XKR4: variants seen among roughly 807,000 people sequenced by gnomAD.
The protein encoded by XKR4 is XK related 4.
Under a neutral mutation model 53.9 loss-of-function variants are expected in XKR4, and 12 were observed. The observed-to-expected ratio is 0.22, with a 90% CI of 0.14 to 0.36. The LOEUF is 0.36. Ranked by LOEUF, XKR4 falls within the 10% of genes least tolerant of loss-of-function variation. The pLI is 1.00. For synonymous variants in XKR4, 354 were observed against 362.4 expected, an observed-to-expected ratio of 0.98 and a Z score of 0.26; for missense variants, 799 against 859.5, an observed-to-expected ratio of 0.93 and a Z score of 0.88.
chr8:55,538,926 C>T lies in XKR4; in HGVS notation c.*14699C>T, dbSNP rs527924398. 6.6e-5 allele frequency: 10 copies of T among 152,292 alleles called. No individual in the cohort carries two copies. In the South Asian group the frequency reaches 1.0e-3, roughly 16 times the overall value. The allele number at this position is 152,292 out of a possible 1,614,324, so 9.4% of individuals were successfully genotyped here. On this transcript the variant is annotated 3_prime_UTR_variant, in exon 3 of 3. Transcript: ENST00000327381. ...TAACTCCTGAATTGATTCATTTTCACGTTATAACTACATTTCAAATATTTC... is the reference window on the plus strand; with the variant it reads ...TAACTCCTGAATTGATTCATTTTCATGTTATAACTACATTTCAAATATTTC...
At chr8:55,305,655 A>G (rs149749163) in intron 1 of XKR4, among the ~76,000 whole-genome samples, 1 of 152,306 alleles carries the variant, frequency 6.6e-6, no homozygotes, top group African/African-American at 2.4e-5. Flanking sequence ...ATTTTATAAA[A>G]TTACTGATTA....
chr8:55,405,929 G>T (rs570636213), intron 2 of XKR4, among the ~76,000 whole-genome samples: 18 of 152,262 alleles, frequency 1.2e-4, no homozygotes, highest in Admixed American at 2.0e-4. Flanking sequence ...CATGCAGAAG[G>T]GACCAACATC....
chr8:55,103,208 T>C lies in XKR4; in HGVS notation c.720T>C (p.Ser240=). The part of the protein sequence containing the change: ...GSNSSGATRA[S]GKHRSASCSF... ...ACAGCAGCGGGGCTACCCGGGCCAG[T>C]GGCAAGCACAGGTCTGCGTCCTGCT... Residue 240 remains serine (S), a synonymous_variant, in exon 1 of 3, where the codon AGT becomes AGC. Coordinates refer to ENST00000327381, the MANE Select transcript of XKR4 (RefSeq NM_052898.2). 1 of 1,614,040 alleles carries C rather than the reference T, an allele frequency of 6.2e-7. No individual in the cohort carries two copies. Among genetic ancestry groups the C allele is most frequent in the Non-Finnish European group, 8.5e-7 (1 of 1,180,042 alleles).
At chr8:55,154,971 A>G (rs1405964503) in intron 1 of XKR4, among the ~76,000 whole-genome samples, 2 of 152,220 alleles carry the variant, frequency 1.3e-5, no homozygotes, top group African/African-American at 2.4e-5. Context: ...GAACGTCAGT[A>G]TAAACATGGC....
At chr8:55,510,241 G>A (rs1353005457) in intron 2 of XKR4, among the ~76,000 whole-genome samples, 2 of 152,162 alleles carry the variant, frequency 1.3e-5, no homozygotes, top group Non-Finnish European at 2.9e-5. Context: ...AGTCCTCCAG[G>A]TGGGCAAAGG....
At chr8:55,481,856 A>T (rs1259762458) in intron 2 of XKR4, among the ~76,000 whole-genome samples, 3 of 152,224 alleles carry the variant, frequency 2.0e-5, no homozygotes, top group African/African-American at 7.2e-5. Context: ...ATACCATCTC[A>T]CACCAGTTAG....
intron 1 of XKR4, among the ~76,000 whole-genome samples, chr8:55,326,428 A>C (rs1803293480): frequency 6.6e-6 from 1 of 151,428 alleles, no homozygotes; most frequent in East Asian, 1.9e-4. Flanking sequence ...CTGGTTTGTA[A>C]GATATACTAC....
In XKR4 at chr8:55,528,020, ACT is replaced by A. The variant is rs1353124060; in HGVS notation, c.*3794_*3795del. On this transcript the variant is annotated 3_prime_UTR_variant, in exon 3 of 3. Coordinates refer to ENST00000327381, the MANE Select transcript of XKR4 (RefSeq NM_052898.2). ...TGTATGTACACACACACACACACAC[ACT>A]TTCCAACTAAAGTAACAGAGATGAA... is the stretch of plus-strand genomic sequence containing the variant. 5 of 152,154 alleles carry A rather than the reference ACT, an allele frequency of 3.3e-5. No homozygotes were observed. Among genetic ancestry groups the A allele is most frequent in the African/African-American group, 1.2e-4 (5 of 41,414 alleles). The allele number at this position is 152,154 out of a possible 1,614,324, so 9.4% of individuals were successfully genotyped here.
intron 2 of XKR4, among the ~76,000 whole-genome samples, chr8:55,429,006 A>G (rs548633840): frequency 6.6e-6 from 1 of 152,230 alleles, no homozygotes; most frequent in Non-Finnish European, 1.5e-5. Flanking sequence ...GTAGGAATCA[A>G]TTTCAATATA....
intron 1 of XKR4, among the ~76,000 whole-genome samples, chr8:55,118,496 T>A (rs764337588): frequency 1.4e-4 from 21 of 152,196 alleles, no homozygotes; most frequent in Non-Finnish European, 2.6e-4. Context: ...CAAACTGACC[T>A]CCTAAGACCT....
intron 1 of XKR4, among the ~76,000 whole-genome samples, chr8:55,125,852 T>C (rs901671898): frequency 5.3e-5 from 8 of 152,212 alleles, no homozygotes; most frequent in African/African-American, 1.9e-4. Context: ...AAATTCTGTT[T>C]GTATCTGCTC....
intron 1 of XKR4, among the ~76,000 whole-genome samples, chr8:55,339,018 G>A (rs1334771828): frequency 1.3e-5 from 2 of 152,200 alleles, no homozygotes; most frequent in African/African-American, 4.8e-5. Context: ...TATAAAGGCT[G>A]TTCAGAATGA....
intron 2 of XKR4, among the ~76,000 whole-genome samples, chr8:55,492,798 A>G (rs1806290169): frequency 6.6e-6 from 1 of 151,994 alleles, no homozygotes; most frequent in African/African-American, 2.4e-5. Context: ...CATTTTTTTC[A>G]GTCTCGTGAT....
Position 55,357,920 on chromosome 8 carries a change from A to T in XKR4, c.1006+43A>T, listed in dbSNP as rs111855612. 7,507 of 1,575,152 alleles carry T rather than the reference A, an allele frequency of 4.8e-3. 56 individuals are homozygous for T. Among genetic ancestry groups the T allele is most frequent in the Middle Eastern group, 0.025 (141 of 5,740 alleles). On this transcript the variant is annotated intron_variant, in intron 2 of 2. Coordinates refer to ENST00000327381, the MANE Select transcript of XKR4 (RefSeq NM_052898.2). Reference sequence around the variant, plus strand: ...GGTTTCTGAATTTGGGGAAAGATTGACTGGCTACTTTTGTCACAATCCGAG... The same window carrying T: ...GGTTTCTGAATTTGGGGAAAGATTGTCTGGCTACTTTTGTCACAATCCGAG...
At chr8:55,322,474 C>T (rs1379417089) in intron 1 of XKR4, among the ~76,000 whole-genome samples, 1 of 152,176 alleles carries the variant, frequency 6.6e-6, no homozygotes, top group Non-Finnish European at 1.5e-5. Flanking sequence ...AATGTTCAAA[C>T]ATTTCTGTGG....
chr8:55,305,388 G>A (rs780510499), intron 1 of XKR4, among the ~76,000 whole-genome samples: 80 of 152,044 alleles, frequency 5.3e-4, no homozygotes, highest in Non-Finnish European at 9.0e-4. Flanking sequence ...TTGCTCTAGG[G>A]ACCCAGAGAA....
At chr8:55,388,512 G>A (rs562068312) in intron 2 of XKR4, among the ~76,000 whole-genome samples, 12 of 152,194 alleles carry the variant, frequency 7.9e-5, no homozygotes, top group Non-Finnish European at 1.3e-4. Flanking sequence ...TCAGTGTATG[G>A]TGAGGCTGGT....
At position 55,102,542 on chromosome 8, in the gene XKR4, G is replaced by A. The variant is rs376971701; in HGVS notation, c.54G>A (p.Ala18=). The A allele has an allele frequency of 5.2e-6, 8 of 1,551,482 alleles. No homozygotes were observed. Among genetic ancestry groups the A allele is most frequent in the African/African-American group, 1.4e-5 (1 of 70,314 alleles). The change falls in exon 1 of 3, where the codon GCG becomes GCA. Residue 18 remains alanine, a synonymous_variant. Transcript: ENST00000327381. The surrounding 1 kb of genome is among the most constrained non-coding windows in gnomAD (Gnocchi z 5.1). ...AAATGAAGAAAAGCAGCGACGTGGC[G>A]TTCACCCCGCTGCAGAACTCGGACC... The part of the protein sequence containing the change: ...RLKMKKSSDV[A]FTPLQNSDHS...
At chr8:55,424,487 G>A (rs1804984322) in intron 2 of XKR4, among the ~76,000 whole-genome samples, 1 of 152,186 alleles carries the variant, frequency 6.6e-6, no homozygotes, top group South Asian at 2.1e-4. Flanking sequence ...AACCTTTCCA[G>A]GGTCTGCTTT....
Sources: gnomAD v4.1 joint callset for allele counts (sites outside exome capture counted in the v4.1 genomes callset) on GRCh38, gnomAD v4.1.1 for gene constraint, Gnocchi (gnomAD v3.1) non-coding constraint, MANE v1.5 for transcripts, NCBI Gene and HGNC (gene_info 2026-07-23, HGNC 2026-07-21) for gene names.